Variants in SGCD observed in about 807,000 individuals in gnomAD.
The protein encoded by SGCD is delta-sarcoglycan.
In SGCD, 18 loss-of-function variants were observed where a neutral mutation model predicts 36.6. That is an observed-to-expected ratio of 0.49 (90% CI 0.34 to 0.73). SGCD has a LOEUF of 0.73. Among genes scored for constraint, SGCD ranks in the 30% least tolerant of loss-of-function variants. SGCD has a pLI of 0.01. For synonymous variants in SGCD, 133 were observed against 130.6 expected (o/e 1.02, Z -0.12); for missense variants, 387 against 346.7 (o/e 1.12, Z -0.92).
chr5:155,756,958 A>G, the SGCD span, among the ~76,000 whole-genome samples: 4 of 152,162 alleles, frequency 2.6e-5, no homozygotes, highest in Admixed American at 2.6e-4. Context: ...CCTGGGATAA[A>G]TACCAGGGTT....
intron 4 of SGCD, among the ~76,000 whole-genome samples, chr5:156,535,143 G>T (rs927211528): frequency 6.6e-6 from 1 of 152,196 alleles, no homozygotes; most frequent in African/African-American, 2.4e-5. Flanking sequence ...AAATGCAGCT[G>T]TGATGGTTTT....
chr5:155,755,634 A>G, the SGCD span, among the ~76,000 whole-genome samples: 1 of 152,112 alleles, frequency 6.6e-6, no homozygotes. Flanking sequence ...TTTTCCTCAT[A>G]GTTTCCTGGG....
the SGCD span, among the ~76,000 whole-genome samples, chr5:155,779,122 C>A: frequency 6.6e-6 from 1 of 152,088 alleles, no homozygotes. Context: ...CTGATAAAAC[C>A]AAATTGTCAA....
chr5:156,011,242 T>A (rs1472799267), intron 1 of SGCD, among the ~76,000 whole-genome samples: 1 of 152,200 alleles, frequency 6.6e-6, no homozygotes, highest in Non-Finnish European at 1.5e-5. Flanking sequence ...TCAATATCTT[T>A]TTCAAAATCC....
At chr5:155,873,548 C>T (rs149565966) in intron 1 of SGCD, among the ~76,000 whole-genome samples, 239 of 152,114 alleles carry the variant, frequency 1.6e-3, no homozygotes, top group African/African-American at 5.5e-3. Flanking sequence ...GCCGGAGGGA[C>T]GAGAAATTAT....
chr5:155,858,475 A>T, the SGCD span, among the ~76,000 whole-genome samples: 9,675 of 152,234 alleles, frequency 0.064, 364 homozygotes, highest in Middle Eastern at 0.14. Context: ...AATTTATATC[A>T]TCTTTTGTAG....
At chr5:156,233,047 A>C (rs893846253) in intron 3 of SGCD, among the ~76,000 whole-genome samples, 8 of 152,328 alleles carry the variant, frequency 5.3e-5, no homozygotes, top group African/African-American at 1.7e-4. Context: ...TTTAAAGGAT[A>C]ATATGTATAT....
Position 156,192,404 on chromosome 5 carries a change from T to C in SGCD, c.-44+68385T>C, listed in dbSNP as rs57536525. ...CAAATATCATGTGTTCTCACTCATA[T>C]GTGAGAGCTAAAAAAGTTGATCTCA... On this transcript the variant is annotated intron_variant, in intron 3 of 9. Coordinates refer to the SGCD transcript ENST00000517913. 8.3e-3 allele frequency among the ~76,000 whole-genome samples: 1,261 copies of C among 152,244 alleles called. 18 individuals are homozygous for C. The highest frequency in any genetic ancestry group is 0.029 in the African/African-American group (1,212 of 41,548).
In SGCD at chr5:156,296,017, G is replaced by C. The variant is rs373899996; in HGVS notation, c.-43-33517G>C. ...ATCAGATGGTAGGAAGCAAGAGAGA[G>C]AGAATGGGACCTGTGAGCCAGAGCA... On this transcript the variant is annotated intron_variant, in intron 3 of 9. Transcript: ENST00000517913. Among the ~76,000 whole-genome samples the C allele has an allele frequency of 2.0e-3, 307 of 152,342 alleles. 1 individual carries two copies. The highest frequency in any genetic ancestry group is 7.1e-3 in the African/African-American group (297 of 41,582).
At chr5:155,889,683 AG>A (rs1756080294) in intron 1 of SGCD, among the ~76,000 whole-genome samples, 1 of 152,242 alleles carries the variant, frequency 6.6e-6, no homozygotes, top group South Asian at 2.1e-4. Context: ...TTGGAAAGGT[AG>A]TCAGGGACCT....
At chr5:155,873,778 C>A (rs905371462) in intron 1 of SGCD, among the ~76,000 whole-genome samples, 16 of 152,214 alleles carry the variant, frequency 1.1e-4, no homozygotes, top group Middle Eastern at 3.4e-3. Flanking sequence ...TACCACTTTG[C>A]AGTTATAATT....
At chr5:156,626,590 C>T (rs1198427763) in intron 6 of SGCD, among the ~76,000 whole-genome samples, 3 of 152,128 alleles carry the variant, frequency 2.0e-5, no homozygotes, top group African/African-American at 7.2e-5. Flanking sequence ...AAGTCGACTT[C>T]TACTTGGTGC....
the SGCD span, among the ~76,000 whole-genome samples, chr5:155,819,214 A>G: frequency 2.0e-5 from 3 of 152,092 alleles, no homozygotes; most frequent in South Asian, 2.1e-4. Context: ...TTAAAGATTC[A>G]TTTTCTAAAA....
intron 1 of SGCD, among the ~76,000 whole-genome samples, chr5:155,959,705 T>C (rs1349274378): frequency 2.6e-5 from 4 of 152,128 alleles, no homozygotes; most frequent in Non-Finnish European, 5.9e-5. Context: ...GTTTTAGTAG[T>C]ACTTTTATAA....
chr5:155,891,675 C>G (rs1253194311), intron 1 of SGCD, among the ~76,000 whole-genome samples: 1 of 145,488 alleles, frequency 6.9e-6, no homozygotes, highest in African/African-American at 2.5e-5. Flanking sequence ...CTCTGGCCTG[C>G]ATGCACCATG....
chr5:156,606,843 C>CT, intron 6 of SGCD, among the ~76,000 whole-genome samples: 1 of 152,250 alleles, frequency 6.6e-6, no homozygotes, highest in South Asian at 2.1e-4. Context: ...ATTTGGCTCT[C>CT]TGTTTGTCTG....
chr5:156,721,820 T>G (rs1425423672), intron 7 of SGCD, among the ~76,000 whole-genome samples: 1 of 152,146 alleles, frequency 6.6e-6, no homozygotes, highest in African/African-American at 2.4e-5. Flanking sequence ...GAGTGGGTGT[T>G]GGGAATATAT....
intron 3 of SGCD, among the ~76,000 whole-genome samples, chr5:156,232,816 C>T (rs1352188410): frequency 1.3e-5 from 2 of 152,110 alleles, no homozygotes; most frequent in African/African-American, 4.8e-5. Context: ...GTAATATAGT[C>T]TAGAGTTCCT....
chr5:156,246,647 G>A (rs1438742310), intron 3 of SGCD, among the ~76,000 whole-genome samples: 1 of 152,122 alleles, frequency 6.6e-6, no homozygotes, highest in Non-Finnish European at 1.5e-5. Context: ...AAAACCATGT[G>A]CAGAATATAG....
Sources: gnomAD v4.1 joint callset for allele counts (sites outside exome capture counted in the v4.1 genomes callset) on GRCh38, gnomAD v4.1.1 for gene constraint, MANE v1.5 for transcripts, NCBI Gene and HGNC (gene_info 2026-07-23, HGNC 2026-07-21) for gene names.